Variants in CACNA2D3 observed in about 807,000 individuals in gnomAD.
CACNA2D3 encodes the protein calcium voltage-gated channel auxiliary subunit alpha2delta 3, also known as voltage-dependent calcium channel subunit alpha-2/delta-3.
In CACNA2D3, 60 loss-of-function variants were observed where a neutral mutation model predicts 160.6. The ratio of observed to expected loss-of-function variants is 0.37; its 90% CI spans 0.30 to 0.46. The LOEUF (loss-of-function observed/expected upper bound fraction) is 0.46, where lower values mean the gene tolerates loss of function less well. CACNA2D3 is among the 20% of genes least tolerant of loss of function. CACNA2D3 has a pLI of 1.00. For synonymous variants in CACNA2D3, 558 were observed against 492.9 expected (o/e 1.13, Z -1.75); for missense variants, 1,205 against 1,365.0 (o/e 0.88, Z 1.85).
intron 9 of CACNA2D3, chr3:54,626,121 A>T: frequency 1.6e-6 from 1 of 614,766 alleles, no homozygotes. Context: ...GCCTTTGGGG[A>T]GAAAATAATC....
In CACNA2D3 at chr3:54,794,906, C is replaced by G. The variant is rs141695773; in HGVS notation, c.1381-21947C>G. On this transcript the variant is annotated intron_variant, in intron 13 of 37. Transcript: ENST00000474759. ...CTTTTTGTTTATTTTTCTTGAGGTTCATTAACCTTCTTGGATTGGTGGGTT... is the reference window on the plus strand; with the variant it reads ...CTTTTTGTTTATTTTTCTTGAGGTTGATTAACCTTCTTGGATTGGTGGGTT... Among the ~76,000 whole-genome samples the G allele has an allele frequency of 2.6e-5, 4 of 152,150 alleles. 1 individual carries two copies. Among genetic ancestry groups the G allele is most frequent in the African/African-American group, 9.6e-5 (4 of 41,548 alleles).
rs1699521472 is a variant in CACNA2D3, at chr3:54,123,573, C to T, written c.183C>T (p.Ser61=). 1 of 1,613,602 alleles carries T rather than the reference C, an allele frequency of 6.2e-7. No individual in the cohort carries two copies. Among genetic ancestry groups the T allele is most frequent in the Admixed American group, 1.7e-5 (1 of 59,986 alleles). Reference sequence around the variant, plus strand: ...TAAAATCCATTGCTGCTAAGTACTCCGGTTCCCAGCTTCTGCAAAAGGTAA... The same window carrying T: ...TAAAATCCATTGCTGCTAAGTACTCTGGTTCCCAGCTTCTGCAAAAGGTAA... ...GEIKSIAAKY[S]GSQLLQKKYK... The change falls in exon 2 of 38, where the codon TCC becomes TCT. Residue 61 remains serine (S), a synonymous_variant. Transcript: ENST00000474759.
chr3:55,052,341 G>A (rs1704246109), intron 35 of CACNA2D3, among the ~76,000 whole-genome samples: 1 of 151,816 alleles, frequency 6.6e-6, no homozygotes, highest in South Asian at 2.1e-4. Flanking sequence ...GATTTGCTTT[G>A]TGATCCAAAA....
At chr3:54,400,328 G>T (rs1386815450) in intron 4 of CACNA2D3, among the ~76,000 whole-genome samples, 1 of 151,984 alleles carries the variant, frequency 6.6e-6, no homozygotes, top group Admixed American at 6.5e-5. Flanking sequence ...TCCTCCGAGA[G>T]TGAACCTTCA....
intron 24 of CACNA2D3, among the ~76,000 whole-genome samples, chr3:54,888,728 C>T (rs905912286): frequency 2.7e-5 from 4 of 146,786 alleles, no homozygotes; most frequent in Non-Finnish European, 5.9e-5. Flanking sequence ...TATCCTGTTT[C>T]TCTCCATTTT....
chr3:55,050,686 T>C (rs1182138797), intron 35 of CACNA2D3, among the ~76,000 whole-genome samples: 2 of 133,860 alleles, frequency 1.5e-5, no homozygotes, highest in Non-Finnish European at 3.2e-5. Context: ...CTGGATAATA[T>C]CCTGCAGAGT....
At chr3:54,223,355 T>A (rs998469372) in intron 2 of CACNA2D3, among the ~76,000 whole-genome samples, 3 of 152,132 alleles carry the variant, frequency 2.0e-5, no homozygotes, top group African/African-American at 7.2e-5. Context: ...ATGATAAGTA[T>A]TTGAATATCT....
chr3:54,813,960 G>C (rs968775246), intron 13 of CACNA2D3, among the ~76,000 whole-genome samples: 1 of 151,110 alleles, frequency 6.6e-6, no homozygotes, highest in Non-Finnish European at 1.5e-5. Flanking sequence ...AACCTCCTGG[G>C]CTCAGGTGAT....
At chr3:54,689,217 G>A (rs1249470178) in intron 11 of CACNA2D3, among the ~76,000 whole-genome samples, 5 of 152,026 alleles carry the variant, frequency 3.3e-5, no homozygotes, top group Non-Finnish European at 5.9e-5. Context: ...TGGCTGCCAG[G>A]ATACTGAGGC....
intron 2 of CACNA2D3, among the ~76,000 whole-genome samples, chr3:54,241,496 G>A (rs2107408274): frequency 6.6e-6 from 1 of 152,328 alleles, no homozygotes; most frequent in African/African-American, 2.4e-5. Flanking sequence ...GGGACTGTCT[G>A]GTAACTTTGA....
chr3:54,795,435 T>C (rs959592573), intron 13 of CACNA2D3, among the ~76,000 whole-genome samples: 1 of 150,858 alleles, frequency 6.6e-6, no homozygotes, highest in African/African-American at 2.4e-5. Flanking sequence ...ATTTATATAG[T>C]AATTTTTGAA....
chr3:54,654,180 T>A (rs1699831479), intron 11 of CACNA2D3, among the ~76,000 whole-genome samples: 1 of 151,476 alleles, frequency 6.6e-6, no homozygotes, highest in Admixed American at 6.6e-5. Flanking sequence ...CACCGAGGGG[T>A]TGGCAGTGGG....
At chr3:54,652,783 C>CT (rs11428424) in intron 11 of CACNA2D3, among the ~76,000 whole-genome samples, 42,040 of 118,004 alleles carry the variant, frequency 0.36, 8,667 homozygotes, top group East Asian at 0.47. Context: ...CCATGGGAGG[C>CT]TTTTTTTTTT....
At chr3:54,946,487 A>AG (rs1206426482) in intron 27 of CACNA2D3, among the ~76,000 whole-genome samples, 1 of 152,122 alleles carries the variant, frequency 6.6e-6, no homozygotes, top group Non-Finnish European at 1.5e-5. Flanking sequence ...AAATGAAAGG[A>AG]GGGGGGATGT....
rs139968078 is a variant in CACNA2D3, at chr3:55,015,695, T to TA, written c.2876-2506dup. ...GTTGTAAAAATCAGAACCATGAAAATAAAAAGTGTTGCCAAATTGTAGCCA... is the reference window on the plus strand; with the variant it reads ...GTTGTAAAAATCAGAACCATGAAAATAAAAAAGTGTTGCCAAATTGTAGCCA... On this transcript the variant is annotated intron_variant, in intron 34 of 37. Coordinates refer to ENST00000474759, the MANE Select transcript of CACNA2D3 (RefSeq NM_018398.3). Among the ~76,000 whole-genome samples, 598 of 152,144 alleles carry TA rather than the reference T, an allele frequency of 3.9e-3. 3 individuals carry two copies. Among genetic ancestry groups the TA allele is most frequent in the African/African-American group, 0.014 (565 of 41,502 alleles).
At chr3:54,447,164 C>A (rs1250290978) in intron 4 of CACNA2D3, among the ~76,000 whole-genome samples, 1 of 152,152 alleles carries the variant, frequency 6.6e-6, no homozygotes, top group African/African-American at 2.4e-5. Context: ...TAGATGAAAA[C>A]CACCACATGC....
chr3:54,806,173 A>G (rs1703116834), intron 13 of CACNA2D3, among the ~76,000 whole-genome samples: 1 of 152,214 alleles, frequency 6.6e-6, no homozygotes, highest in Non-Finnish European at 1.5e-5. Context: ...CACCACTCCT[A>G]TTCAACATAG....
chr3:54,923,413 T>C (rs1700910276), intron 27 of CACNA2D3, among the ~76,000 whole-genome samples: 1 of 152,150 alleles, frequency 6.6e-6, no homozygotes, highest in Admixed American at 6.5e-5. Context: ...CCTCAGTCTT[T>C]GGGTTCTGCT....
chr3:54,608,886 T>C (rs768251342), intron 9 of CACNA2D3, among the ~76,000 whole-genome samples: 3 of 152,178 alleles, frequency 2.0e-5, no homozygotes, highest in South Asian at 2.1e-4. Context: ...CCCCATGACG[T>C]TGAAGCCATT....
Sources: gnomAD v4.1 joint callset for allele counts (sites outside exome capture counted in the v4.1 genomes callset) on GRCh38, gnomAD v4.1.1 for gene constraint, MANE v1.5 for transcripts, NCBI Gene and HGNC (gene_info 2026-07-23, HGNC 2026-07-21) for gene names.